Variants in CREB3L2 observed in about 807,000 individuals in gnomAD.
CREB3L2 encodes cyclic AMP-responsive element-binding protein 3-like protein 2.
A neutral mutation model predicts 57.2 loss-of-function variants in CREB3L2; 23 were observed. The observed-to-expected ratio is 0.40, with a 90% confidence interval of 0.29 to 0.57. CREB3L2 has a LOEUF of 0.57. CREB3L2 is among the 20% of genes least tolerant of loss of function. CREB3L2 has a pLI of 0.42. For missense variants in CREB3L2, 628 were observed against 634.7 expected, an observed-to-expected ratio of 0.99 and a Z score of 0.11; for synonymous variants, 268 against 265.1, an observed-to-expected ratio of 1.01 and a Z score of -0.11.
intron 2 of CREB3L2, among the ~76,000 whole-genome samples, chr7:137,916,662 A>T (rs1287933337): frequency 6.6e-6 from 1 of 150,852 alleles, no homozygotes; most frequent in African/African-American, 2.4e-5. Flanking sequence ...GGCTTCAGTG[A>T]GCTGTGATCA....
chr7:137,999,419 C>CACACAT (rs397950491), intron 1 of CREB3L2, among the ~76,000 whole-genome samples: 3 of 150,576 alleles, frequency 2.0e-5, no homozygotes, highest in South Asian at 4.3e-4. Flanking sequence ...CACACACACA[C>CACACAT]GAATATAAGC....
intron 2 of CREB3L2, among the ~76,000 whole-genome samples, chr7:137,919,090 C>A (rs1800214745): frequency 6.6e-6 from 1 of 152,128 alleles, no homozygotes; most frequent in African/African-American, 2.4e-5. Context: ...TTCATGCTTC[C>A]ATTCCAATAC....
At chr7:137,971,442 T>C in intron 1 of CREB3L2, among the ~76,000 whole-genome samples, 1 of 137,426 alleles carries the variant, frequency 7.3e-6, no homozygotes, top group South Asian at 2.5e-4. Context: ...AGAGCGAGAC[T>C]CCGTCTCAAA....
intron 1 of CREB3L2, chr7:137,953,551 A>G: frequency 7.8e-7 from 1 of 1,281,008 alleles, no homozygotes; most frequent in South Asian, 1.2e-5. Context: ...AGGAGGGGAG[A>G]GTTGGGTGGG....
At chr7:137,966,193 T>C (rs1801404158) in intron 1 of CREB3L2, among the ~76,000 whole-genome samples, 1 of 152,182 alleles carries the variant, frequency 6.6e-6, no homozygotes, top group Admixed American at 6.5e-5. Flanking sequence ...GTTATGAAAT[T>C]CCTCCAGAGA....
Position 137,877,998 on chromosome 7 carries a change from G to C in CREB3L2, c.*2478C>G, listed in dbSNP as rs3735018. ...GGGCAGAGGTTTATCTAAAAGAGCA[G>C]TGATGTTGGTTCTTGGAGCCCCCTT... is the stretch of plus-strand genomic sequence containing the variant. On this transcript the variant is annotated 3_prime_UTR_variant, in exon 12 of 12. Transcript: ENST00000330387. 5,754 of 228,324 alleles carry C rather than the reference G, an allele frequency of 0.025. 265 individuals are homozygous for C. The highest frequency in any genetic ancestry group is 0.11 in the African/African-American group (4,849 of 45,106). The allele number at this position is 228,324 out of a possible 1,614,324, so 14.1% of individuals were successfully genotyped here.
chr7:137,927,189 AAGGAAGGAAAGGG>A (rs955167002), intron 2 of CREB3L2, among the ~76,000 whole-genome samples: 2 of 150,664 alleles, frequency 1.3e-5, no homozygotes, highest in African/African-American at 4.9e-5. Flanking sequence ...GGGAGTGAGG[AAGGAAGGAAAGGG>A]AGGAAGGAAA....
At chr7:137,978,648 A>G (rs574452879) in intron 1 of CREB3L2, among the ~76,000 whole-genome samples, 4 of 152,330 alleles carry the variant, frequency 2.6e-5, no homozygotes, top group African/African-American at 9.6e-5. Flanking sequence ...AGGCAGTGAC[A>G]CAGGGGTCAA....
chr7:137,935,893 T>A (rs1170691408), intron 1 of CREB3L2: 1 of 500,104 alleles, frequency 2.0e-6, no homozygotes, highest in African/African-American at 2.1e-5. Flanking sequence ...CATTTACGCT[T>A]TGAGTTTTCA....
chr7:137,962,764 G>C (rs1308148463), intron 1 of CREB3L2, among the ~76,000 whole-genome samples: 1 of 152,260 alleles, frequency 6.6e-6, no homozygotes, highest in South Asian at 2.1e-4. Context: ...TTCCATGGGG[G>C]CCGAACGTTT....
chr7:137,917,524 A>G (rs1800164270), intron 2 of CREB3L2, among the ~76,000 whole-genome samples: 1 of 152,238 alleles, frequency 6.6e-6, no homozygotes, highest in Admixed American at 6.5e-5. Context: ...CATGACTGTC[A>G]GGAGAGCAAA....
intron 8 of CREB3L2, among the ~76,000 whole-genome samples, chr7:137,900,162 T>C (rs1473372537): frequency 1.3e-5 from 2 of 152,178 alleles, no homozygotes; most frequent in African/African-American, 4.8e-5. Flanking sequence ...TTCACCCCTT[T>C]CTCTTGCATA....
chr7:137,890,024 CTTAG>C (rs557632148), intron 8 of CREB3L2, among the ~76,000 whole-genome samples: 3 of 152,264 alleles, frequency 2.0e-5, no homozygotes, highest in South Asian at 2.1e-4. Flanking sequence ...TAAAGCATGT[CTTAG>C]TTAAGTAGAT....
At chr7:137,927,833 T>C (rs916233125) in intron 2 of CREB3L2, among the ~76,000 whole-genome samples, 2 of 150,804 alleles carry the variant, frequency 1.3e-5, no homozygotes, top group Non-Finnish European at 2.9e-5. Flanking sequence ...AGAGACTTAC[T>C]GTACTGGTAG....
chr7:137,979,583 G>A (rs898101684), intron 1 of CREB3L2, among the ~76,000 whole-genome samples: 11 of 152,210 alleles, frequency 7.2e-5, no homozygotes, highest in East Asian at 3.9e-4. Flanking sequence ...AAAATTAGCC[G>A]GGCGTGGTGG....
At chr7:138,000,872 A>T (rs1802061998) in intron 1 of CREB3L2, among the ~76,000 whole-genome samples, 1 of 152,204 alleles carries the variant, frequency 6.6e-6, no homozygotes, top group Non-Finnish European at 1.5e-5. Context: ...ATCCCCCAAG[A>T]GATCTCTGAG....
chr7:137,948,282 G>A (rs1585650976), intron 1 of CREB3L2, among the ~76,000 whole-genome samples: 1 of 152,320 alleles, frequency 6.6e-6, no homozygotes, highest in African/African-American at 2.4e-5. Flanking sequence ...CCTAAAACAT[G>A]CTCACTAGTT....
In CREB3L2 at chr7:138,001,413, G is replaced by C. The variant is rs964497847; in HGVS notation, c.102+191C>G. ...ATACAAAGTGGCATTACTCTCATGA[G>C]AAATGTAAAGGGGCCAGCTGCCCGC... On this transcript the variant is annotated intron_variant, in intron 1 of 11. Transcript: ENST00000330387. The surrounding 1 kb of genome is among the most constrained non-coding windows in gnomAD (Gnocchi z 4.2). 5.1e-4 allele frequency among the ~76,000 whole-genome samples: 78 copies of C among 152,338 alleles called. No individual in the cohort carries two copies. Among genetic ancestry groups the C allele is most frequent in the African/African-American group, 1.8e-3 (76 of 41,588 alleles).
intron 1 of CREB3L2, among the ~76,000 whole-genome samples, chr7:137,994,712 G>A (rs1188264400): frequency 6.6e-6 from 1 of 152,090 alleles, no homozygotes; most frequent in Non-Finnish European, 1.5e-5. Flanking sequence ...GTGGGAGGCC[G>A]AGGCAGAGGA....
Sources: allele counts gnomAD v4.1 joint callset (sites outside exome capture counted in the v4.1 genomes callset), GRCh38; gene constraint gnomAD v4.1.1; non-coding constraint Gnocchi (gnomAD v3.1); transcripts MANE v1.5; gene names NCBI Gene and HGNC (gene_info 2026-07-23, HGNC 2026-07-21).